Variants in LPIN1 observed in about 807,000 individuals in gnomAD.
LPIN1 encodes lipin 1.
Under a neutral mutation model 107.5 loss-of-function variants are expected in LPIN1, and 71 were observed. The observed-to-expected ratio is 0.66, with a 90% CI of 0.55 to 0.80. The LOEUF (loss-of-function observed/expected upper bound fraction) is 0.80. Ranked by LOEUF, LPIN1 falls within the 30% of genes least tolerant of loss-of-function variation. The probability of loss-of-function intolerance (pLI) is 0.00; values close to 1 mark genes in which losing one functional copy is unlikely to be tolerated. For missense variants in LPIN1, 1,043 were observed against 1,160.6 expected (o/e 0.90, Z 1.47); for synonymous variants, 445 against 452.6 (o/e 0.98, Z 0.21).
Position 11,756,676 on chromosome 2 carries a change from C to T in LPIN1, c.-9-8857C>T, listed in dbSNP as rs78596036. Among the ~76,000 whole-genome samples, 777 of 152,250 alleles carry T rather than the reference C, an allele frequency of 5.1e-3. 11 individuals are homozygous for T. The highest frequency in any genetic ancestry group is 0.018 in the African/African-American group (750 of 41,530). On this transcript the variant is annotated intron_variant, in intron 1 of 20. Transcript: ENST00000674199. ...CCTACCAAAGTGCTGGCATTATAGGCGTGAGTGCCCGGCCCCTATATTTAT... is the reference window on the plus strand; with the variant it reads ...CCTACCAAAGTGCTGGCATTATAGGTGTGAGTGCCCGGCCCCTATATTTAT...
intron 1 of LPIN1, among the ~76,000 whole-genome samples, chr2:11,686,794 A>G (rs550937148): frequency 4.9e-4 from 75 of 152,148 alleles, no homozygotes; most frequent in African/African-American, 1.6e-3. Flanking sequence ...ATGTGTGTCC[A>G]TTAGTGATTA....
At chr2:11,694,992 C>T (rs142573982) in intron 1 of LPIN1, among the ~76,000 whole-genome samples, 404 of 152,242 alleles carry the variant, frequency 2.7e-3, no homozygotes, top group African/African-American at 9.4e-3. Flanking sequence ...TTCTTTGGTG[C>T]TCCTGCCCAT....
chr2:11,741,759 C>T (rs975729422), upstream of LPIN1, among the ~76,000 whole-genome samples: 4 of 150,090 alleles, frequency 2.7e-5, no homozygotes, highest in South Asian at 2.1e-4. Context: ...TGCAGTAAGC[C>T]GAGATCGTGC....
At chr2:11,764,103 T>TATATACACAC (rs1553422099) in intron 1 of LPIN1, 3 of 121,806 alleles carry the variant, frequency 2.5e-5, no homozygotes, top group African/African-American at 1.0e-4. Flanking sequence ...TATATATATA[T>TATATACACAC]ACACACACAC....
intron 1 of LPIN1, among the ~76,000 whole-genome samples, chr2:11,684,927 G>A (rs974713054): frequency 1.6e-5 from 2 of 128,664 alleles, no homozygotes; most frequent in Non-Finnish European, 3.5e-5. Flanking sequence ...CACTGGAAAT[G>A]AGCCGTGAAT....
At chr2:11,696,385 C>T (rs769423601) in intron 1 of LPIN1, among the ~76,000 whole-genome samples, 1 of 151,996 alleles carries the variant, frequency 6.6e-6, no homozygotes, top group Non-Finnish European at 1.5e-5. Flanking sequence ...AGGCTGGGGA[C>T]ATAGTGGGTT....
rs58166101 is a variant in LPIN1, at chr2:11,713,717, C to T, written c.82-39C>T. The T allele has an allele frequency of 0.013, 15,893 of 1,251,100 alleles. 192 individuals carry two copies. Among genetic ancestry groups the T allele is most frequent in the African/African-American group, 0.038 (2,615 of 68,438 alleles). 77.5% of individuals were successfully genotyped at this position (1,251,100 alleles called of 1,614,324 possible). On this transcript the variant is annotated intron_variant, in intron 1 of 21. Transcript: ENST00000449576. Reference sequence around the variant, plus strand: ...CCATTACCACCACCTAATTCCAGAACATTTCTATTAATTAATTTCTAATGT... The same window carrying T: ...CCATTACCACCACCTAATTCCAGAATATTTCTATTAATTAATTTCTAATGT...
intron 17 of LPIN1, among the ~76,000 whole-genome samples, chr2:11,812,812 C>T (rs905164673): frequency 2.6e-5 from 4 of 152,110 alleles, no homozygotes; most frequent in African/African-American, 4.8e-5. Flanking sequence ...TAGAGCACCA[C>T]GTGGAGTCGG....
At chr2:11,782,965 A>G (rs1395924616) in intron 8 of LPIN1, among the ~76,000 whole-genome samples, 1 of 152,144 alleles carries the variant, frequency 6.6e-6, no homozygotes, top group East Asian at 1.9e-4. Context: ...TCCCCCATAG[A>G]ATATGTGCTG....
At position 11,803,167 on chromosome 2, in the gene LPIN1, G is replaced by A. The variant is rs1269688916; in HGVS notation, c.2013+134G>A. On this transcript the variant is annotated intron_variant, in intron 15 of 20. Coordinates refer to ENST00000674199, the MANE Select transcript of LPIN1 (RefSeq NM_001349206.2). This position sits in a 1 kb window ranked among gnomAD's most constrained non-coding sequence, Gnocchi z 4.2. ...CCAGGGGGCCTGCAATCCCTCAACT[G>A]GGTACCCGCTGTTTCCACCCCAACT... is the stretch of plus-strand genomic sequence containing the variant. 5 of 1,227,152 alleles carry A rather than the reference G, an allele frequency of 4.1e-6. No homozygotes were observed. Among genetic ancestry groups the A allele is most frequent in the African/African-American group, 3.0e-5 (2 of 67,668 alleles). 76.0% of individuals were successfully genotyped at this position (1,227,152 alleles called of 1,614,324 possible). A position where few individuals can be genotyped will look rare whatever the true frequency, so the allele number is the denominator to read the frequency against.
At chr2:11,748,982 T>A (rs1667390201) in intron 1 of LPIN1, among the ~76,000 whole-genome samples, 1 of 151,942 alleles carries the variant, frequency 6.6e-6, no homozygotes, top group South Asian at 2.1e-4. Context: ...TTTTGAGGGG[T>A]CCTGAGGAGG....
intron 3 of LPIN1, among the ~76,000 whole-genome samples, chr2:11,768,737 C>T (rs1004879135): frequency 6.6e-6 from 1 of 152,056 alleles, no homozygotes; most frequent in Non-Finnish European, 1.5e-5. Context: ...GAGATAGAGA[C>T]CATCCTGGCT....
chr2:11,771,186 C>T lies in LPIN1; in HGVS notation c.289-186C>T, dbSNP rs1487292762. On this transcript the variant is annotated intron_variant, in intron 3 of 20. Transcript: ENST00000674199. This position sits in a 1 kb window ranked among gnomAD's most constrained non-coding sequence, Gnocchi z 4.8. ...TTCAATACATTGTTGGCTTTCTGAT[C>T]TTCTACCAGATTGGGCAGCCACATC... Among the ~76,000 whole-genome samples the T allele has an allele frequency of 6.6e-6, 1 of 152,170 alleles. No homozygotes were observed. Among genetic ancestry groups the T allele is most frequent in the Non-Finnish European group, 1.5e-5 (1 of 68,028 alleles).
chr2:11,752,993 A>G (rs1246332128), intron 1 of LPIN1, among the ~76,000 whole-genome samples: 1 of 152,178 alleles, frequency 6.6e-6, no homozygotes, highest in Non-Finnish European at 1.5e-5. Flanking sequence ...CCTTTCTGGA[A>G]CTGTATGAAA....
chr2:11,715,607 G>A (rs1663681994), intron 2 of LPIN1, among the ~76,000 whole-genome samples: 2 of 152,186 alleles, frequency 1.3e-5, no homozygotes, highest in Non-Finnish European at 2.9e-5. Flanking sequence ...TCCACCATGG[G>A]CCTCATGGGA....
intron 20 of LPIN1, 33 bp downstream of exon 20, chr2:11,820,547 T>A: frequency 6.9e-7 from 1 of 1,453,404 alleles, no homozygotes; most frequent in Non-Finnish European, 9.7e-7. Context: ...GTGATTATGA[T>A]ATCAGTACTA....
At chr2:11,739,544 C>T (rs901517583) in intron 1 of LPIN1, among the ~76,000 whole-genome samples, 1 of 152,216 alleles carries the variant, frequency 6.6e-6, no homozygotes, top group Admixed American at 6.5e-5. Context: ...ACAAATTAGT[C>T]CTAAAACAAA....
intron 1 of LPIN1, among the ~76,000 whole-genome samples, chr2:11,699,863 G>A (rs990311895): frequency 7.9e-5 from 12 of 152,062 alleles, no homozygotes; most frequent in East Asian, 7.7e-4. Flanking sequence ...GAGAGGAGCC[G>A]GTTGGCTGGA....
chr2:11,764,689 A>G (rs529158608), intron 1 of LPIN1, among the ~76,000 whole-genome samples: 1 of 152,354 alleles, frequency 6.6e-6, no homozygotes, highest in Admixed American at 6.5e-5. Context: ...AACAAAAATC[A>G]TTCATTTCCC....
Sources: allele counts gnomAD v4.1 joint callset (sites outside exome capture counted in the v4.1 genomes callset), GRCh38; gene constraint gnomAD v4.1.1; non-coding constraint Gnocchi (gnomAD v3.1); transcripts MANE v1.5; gene names NCBI Gene and HGNC (gene_info 2026-07-23, HGNC 2026-07-21).